KCNIP4: variants seen among roughly 807,000 people sequenced by gnomAD.
KCNIP4 encodes the protein Kv channel-interacting protein 4.
In KCNIP4, 12 loss-of-function variants were observed where a neutral mutation model predicts 34.0. That is an observed-to-expected ratio of 0.35 (90% CI 0.23 to 0.57). KCNIP4 has a LOEUF of 0.57. KCNIP4 is among the 20% of genes least tolerant of loss of function. KCNIP4 has a pLI of 0.83. For synonymous variants in KCNIP4, 124 were observed against 102.2 expected (o/e 1.21, Z -1.29); for missense variants, 238 against 311.7 (o/e 0.76, Z 1.78).
intron 1 of KCNIP4, among the ~76,000 whole-genome samples, chr4:21,008,592 C>G (rs180911139): frequency 6.6e-6 from 1 of 151,676 alleles, no homozygotes; most frequent in South Asian, 2.1e-4. Context: ...GGTGCGATCT[C>G]GGCTCACTGC....
intron 1 of KCNIP4, among the ~76,000 whole-genome samples, chr4:21,256,319 T>C (rs1479966517): frequency 6.6e-6 from 1 of 151,336 alleles, no homozygotes; most frequent in Non-Finnish European, 1.5e-5. Context: ...GGCTCATGCC[T>C]GTAATATCAG....
intron 1 of KCNIP4, among the ~76,000 whole-genome samples, chr4:21,842,044 T>C (rs113478930): frequency 4.6e-5 from 7 of 152,124 alleles, no homozygotes; most frequent in African/African-American, 1.7e-4. Context: ...ACCACATACC[T>C]TGGCAGAACC....
intron 1 of KCNIP4, among the ~76,000 whole-genome samples, chr4:21,009,213 ATGTTATGAAT>A: frequency 6.6e-6 from 1 of 152,220 alleles, no homozygotes; most frequent in Non-Finnish European, 1.5e-5. Context: ...AGTGGGATTC[ATGTTATGAAT>A]ACATAGCATT....
intron 1 of KCNIP4, among the ~76,000 whole-genome samples, chr4:20,937,525 T>C (rs10805222): frequency 0.81 from 122,214 of 151,474 alleles, 49,331 homozygotes; most frequent in Middle Eastern, 0.85. Context: ...TGAGCCACCG[T>C]GCCTGGCCCC....
intron 1 of KCNIP4, among the ~76,000 whole-genome samples, chr4:21,555,398 C>T (rs1738929047): frequency 6.6e-6 from 1 of 152,160 alleles, no homozygotes; most frequent in Non-Finnish European, 1.5e-5. Context: ...CTGCTTTGCT[C>T]CCTTCAATTA....
intron 1 of KCNIP4, among the ~76,000 whole-genome samples, chr4:21,092,926 A>G (rs946448296): frequency 6.6e-6 from 1 of 152,240 alleles, no homozygotes; most frequent in Admixed American, 6.5e-5. Flanking sequence ...ACACATACAG[A>G]AGTATTTGAT....
chr4:20,986,125 G>C (rs192362883), intron 1 of KCNIP4, among the ~76,000 whole-genome samples: 19 of 152,102 alleles, frequency 1.2e-4, no homozygotes, highest in African/African-American at 4.1e-4. Context: ...GCTCTGCAAG[G>C]TCTCCTTGGA....
At chr4:21,556,501 T>C (rs1428636197) in intron 1 of KCNIP4, among the ~76,000 whole-genome samples, 1 of 152,134 alleles carries the variant, frequency 6.6e-6, no homozygotes, top group Non-Finnish European at 1.5e-5. Context: ...GACATGGGAC[T>C]TTGTCTTTTA....
intron 1 of KCNIP4, among the ~76,000 whole-genome samples, chr4:21,890,205 G>A (rs559714089): frequency 5.3e-5 from 8 of 152,118 alleles, no homozygotes; most frequent in Admixed American, 3.3e-4. Context: ...AGATGAGAAG[G>A]TGAAAAGCAA....
chr4:21,510,753 C>T (rs960929792), intron 1 of KCNIP4, among the ~76,000 whole-genome samples: 11 of 152,002 alleles, frequency 7.2e-5, no homozygotes, highest in Non-Finnish European at 1.2e-4. Context: ...CATGGTGGCT[C>T]ATGCCTGTAA....
intron 6 of KCNIP4, among the ~76,000 whole-genome samples, chr4:20,734,176 A>G (rs1221641123): frequency 6.6e-6 from 1 of 152,042 alleles, no homozygotes; most frequent in Admixed American, 6.6e-5. Context: ...TGGTCTGTGA[A>G]CCTTGTTTCC....
In KCNIP4 at chr4:21,895,910, G is replaced by A. The variant is rs116213889; in HGVS notation, c.61+52661C>T. On this transcript the variant is annotated intron_variant, in intron 1 of 8. Coordinates refer to ENST00000382152, the MANE Select transcript of KCNIP4 (RefSeq NM_025221.6). ...TATCAAGGTGCCTTAATGTTGCTAA[G>A]TGATGCTAAGTTCTAGGGTGATTCT... Among the ~76,000 whole-genome samples, 694 of 152,244 alleles carry A rather than the reference G, an allele frequency of 4.6e-3. 4 individuals are homozygous for A. The highest frequency in any genetic ancestry group is 0.016 in the African/African-American group (654 of 41,546).
At chr4:21,811,609 G>C (rs1414972299) in intron 1 of KCNIP4, among the ~76,000 whole-genome samples, 1 of 152,188 alleles carries the variant, frequency 6.6e-6, no homozygotes, top group Non-Finnish European at 1.5e-5. Flanking sequence ...TGAATTTAAA[G>C]AGTAAATAAC....
intron 1 of KCNIP4, among the ~76,000 whole-genome samples, chr4:21,388,234 A>C (rs952407795): frequency 4.0e-5 from 6 of 150,428 alleles, no homozygotes; most frequent in South Asian, 2.1e-4. Context: ...AGCAAATGTT[A>C]TATTTTACAT....
chr4:21,384,783 T>G (rs1721865439), intron 1 of KCNIP4, among the ~76,000 whole-genome samples: 1 of 152,230 alleles, frequency 6.6e-6, no homozygotes, highest in Admixed American at 6.5e-5. Flanking sequence ...TGGCCACATC[T>G]ACATCACATA....
chr4:21,171,768 A>G (rs1457516945), intron 1 of KCNIP4, among the ~76,000 whole-genome samples: 1 of 152,150 alleles, frequency 6.6e-6, no homozygotes, highest in East Asian at 1.9e-4. Flanking sequence ...AAATGTAGTG[A>G]CATGTGTGTG....
intron 1 of KCNIP4, among the ~76,000 whole-genome samples, chr4:21,033,711 T>C (rs1741199596): frequency 6.6e-6 from 1 of 152,138 alleles, no homozygotes; most frequent in Admixed American, 6.5e-5. Context: ...TTATAGACAC[T>C]CTCTATATAA....
chr4:21,519,024 G>A (rs780068854), intron 1 of KCNIP4, among the ~76,000 whole-genome samples: 5 of 152,008 alleles, frequency 3.3e-5, no homozygotes, highest in Admixed American at 2.0e-4. Flanking sequence ...TGAGCAAACC[G>A]AAGAAAATGG....
chr4:21,503,809 C>G (rs1265491389), intron 1 of KCNIP4, among the ~76,000 whole-genome samples: 1 of 152,176 alleles, frequency 6.6e-6, no homozygotes, highest in African/African-American at 2.4e-5. Context: ...CCGTGTTGAT[C>G]AAGCTATGCT....
Sources: allele counts gnomAD v4.1 joint callset (sites outside exome capture counted in the v4.1 genomes callset), GRCh38; gene constraint gnomAD v4.1.1; transcripts MANE v1.5; gene names NCBI Gene and HGNC (gene_info 2026-07-23, HGNC 2026-07-21).